Variants in IGSF10 observed in about 807,000 individuals in gnomAD.
The protein encoded by IGSF10 is calvaria mechanical force protein 608.
IGSF10 carries 126 observed loss-of-function variants against 128.2 expected under a neutral mutation model. The observed-to-expected ratio is 0.98, with a 90% CI of 0.85 to 1.14. The LOEUF (loss-of-function observed/expected upper bound fraction) is 1.14. Ranked by LOEUF, IGSF10 falls within the 50% of genes most tolerant of loss-of-function variation. The pLI, the probability that IGSF10 is intolerant of heterozygous loss-of-function variation, is 0.00. For synonymous variants in IGSF10, 1,185 were observed against 1,146.2 expected, an observed-to-expected ratio of 1.03 and a Z score of -0.68; for missense variants, 3,295 against 3,149.8, an observed-to-expected ratio of 1.05 and a Z score of -1.10.
the IGSF10 span, among the ~76,000 whole-genome samples, chr3:151,483,775 A>T: frequency 6.6e-6 from 1 of 152,178 alleles, no homozygotes; most frequent in African/African-American, 2.4e-5. Flanking sequence ...TGGCCCAGAT[A>T]CTGAGCTTTT....
the IGSF10 span, among the ~76,000 whole-genome samples, chr3:151,598,004 T>G: frequency 6.6e-6 from 1 of 151,254 alleles, no homozygotes; most frequent in Non-Finnish European, 1.5e-5. Flanking sequence ...TGGTGGAAAA[T>G]TCTTCCTGGA....
At chr3:151,575,441 C>T in the IGSF10 span, among the ~76,000 whole-genome samples, 643 of 152,296 alleles carry the variant, frequency 4.2e-3, 5 homozygotes, top group African/African-American at 0.014. Context: ...GTGGATGCCC[C>T]TCCCCCAGCC....
the IGSF10 span, among the ~76,000 whole-genome samples, chr3:151,498,431 G>A: frequency 3.9e-5 from 6 of 152,092 alleles, 1 homozygote; most frequent in Middle Eastern, 6.8e-3. Flanking sequence ...CTGGCAAATC[G>A]AATCCAGCAG....
chr3:151,560,316 C>A, the IGSF10 span, among the ~76,000 whole-genome samples: 1 of 152,064 alleles, frequency 6.6e-6, no homozygotes, highest in Non-Finnish European at 1.5e-5. Flanking sequence ...ATTCACCATA[C>A]ATTTCCTCCT....
At chr3:151,432,683 AGAGG>A (rs1719670581), downstream of IGSF10, 5 of 1,141,950 alleles carry the variant, frequency 4.4e-6, no homozygotes, top group South Asian at 6.5e-5. Context: ...AGCAGTGACA[AGAGG>A]GTAGCATCCA....
At chr3:151,502,052 C>T in the IGSF10 span, among the ~76,000 whole-genome samples, 1 of 152,020 alleles carries the variant, frequency 6.6e-6, no homozygotes, top group Non-Finnish European at 1.5e-5. Context: ...CCTACCCACC[C>T]CCATATATCC....
chr3:151,461,246 T>G, upstream of IGSF10: 11 of 985,358 alleles, frequency 1.1e-5, no homozygotes, highest in Non-Finnish European at 1.2e-5. Context: ...AGTTGGCAGG[T>G]CCTGGCTGGG....
At chr3:151,452,274 CATT>C (rs1008366542) in intron 5 of IGSF10, among the ~76,000 whole-genome samples, 10 of 152,170 alleles carry the variant, frequency 6.6e-5, no homozygotes, top group African/African-American at 2.2e-4. Flanking sequence ...GTTGTGCAAA[CATT>C]ATGCAGTGTA....
intron 3 of IGSF10, 116 bp downstream of exon 3, chr3:151,458,395 CAGAAA>C: frequency 1.3e-6 from 1 of 745,926 alleles, no homozygotes; most frequent in Non-Finnish European, 2.0e-6. Context: ...GAGCTCATTT[CAGAAA>C]AGAAATATTG....
the IGSF10 span, among the ~76,000 whole-genome samples, chr3:151,491,559 C>T: frequency 1.7e-3 from 258 of 152,146 alleles, 6 homozygotes; most frequent in East Asian, 0.045. Context: ...ACCTGGGTGA[C>T]GGAGTGAGAA....
chr3:151,474,414 C>G, the IGSF10 span, among the ~76,000 whole-genome samples: 1 of 152,162 alleles, frequency 6.6e-6, no homozygotes, highest in African/African-American at 2.4e-5. Flanking sequence ...GGATGATACG[C>G]TTGGGTTTTC....
At position 151,436,749 on chromosome 3, in the gene IGSF10, T is replaced by C; in HGVS notation, c.7812A>G (p.Lys2604=). ...TACCAAGTGGGTTCTTTGCTGTGCA[T>C]TTGTATATCCCAGAATCGGAGGTTT... The part of the protein sequence containing the change: ...NPQTSDSGIY[K]CTAKNPLGSD... The change falls in exon 8 of 8, where the codon AAA becomes AAG. Residue 2604 remains lysine (K), a synonymous_variant. Transcript: ENST00000282466. 6.2e-7 allele frequency: 1 copy of C among 1,614,134 alleles called. No homozygotes were observed. The highest frequency in any genetic ancestry group is 1.1e-5 in the South Asian group (1 of 91,080).
the IGSF10 span, among the ~76,000 whole-genome samples, chr3:151,599,343 A>C: frequency 6.6e-6 from 1 of 152,168 alleles, no homozygotes; most frequent in Non-Finnish European, 1.5e-5. Flanking sequence ...CCTGCGGGTT[A>C]AGGAGCCTAG....
chr3:151,551,572 T>G, the IGSF10 span, among the ~76,000 whole-genome samples: 3 of 151,852 alleles, frequency 2.0e-5, 1 homozygote, highest in South Asian at 6.2e-4. Flanking sequence ...GCACTTTAAT[T>G]TGAGGAAAGG....
At chr3:151,588,636 T>C in the IGSF10 span, among the ~76,000 whole-genome samples, 1 of 152,204 alleles carries the variant, frequency 6.6e-6, no homozygotes, top group Admixed American at 6.5e-5. Flanking sequence ...AAAAATTAAG[T>C]AGATCATCTT....
chr3:151,479,891 CTTA>C, the IGSF10 span, among the ~76,000 whole-genome samples: 4 of 151,870 alleles, frequency 2.6e-5, no homozygotes, highest in Admixed American at 1.3e-4. Context: ...TCTATAGAAA[CTTA>C]TTATCATGAA....
the IGSF10 span, among the ~76,000 whole-genome samples, chr3:151,585,451 T>C: frequency 6.6e-6 from 1 of 152,222 alleles, no homozygotes; most frequent in Non-Finnish European, 1.5e-5. Flanking sequence ...TCTCATATTT[T>C]GCTATTGTTG....
the IGSF10 span, among the ~76,000 whole-genome samples, chr3:151,471,761 G>T: frequency 6.6e-6 from 1 of 152,160 alleles, no homozygotes; most frequent in Non-Finnish European, 1.5e-5. Flanking sequence ...GCTCATACTT[G>T]TAGAACTGAA....
At chr3:151,592,155 T>C in the IGSF10 span, among the ~76,000 whole-genome samples, 1 of 152,094 alleles carries the variant, frequency 6.6e-6, no homozygotes, top group Admixed American at 6.6e-5. Context: ...CAGAACTTTT[T>C]TTCTTGCCTC....
Sources: allele counts gnomAD v4.1 joint callset (sites outside exome capture counted in the v4.1 genomes callset), GRCh38; gene constraint gnomAD v4.1.1; transcripts MANE v1.5; gene names NCBI Gene and HGNC (gene_info 2026-07-23, HGNC 2026-07-21).